Variants in STON1 observed in about 807,000 individuals in gnomAD.
STON1 encodes stonin 1.
In STON1, 79 loss-of-function variants were observed where a neutral mutation model predicts 60.9. The observed-to-expected ratio is 1.30, with a 90% CI of 1.08 to 1.56. The LOEUF (loss-of-function observed/expected upper bound fraction) is 1.56. STON1 is among the 40% of genes most tolerant of loss of function. The pLI is 0.00. For synonymous variants in STON1, 363 were observed against 306.9 expected (o/e 1.18, Z -1.91); for missense variants, 1,166 against 858.9 (o/e 1.36, Z -4.47).
At chr2:48,535,914 C>A (rs926300613) in intron 1 of STON1, among the ~76,000 whole-genome samples, 1 of 151,626 alleles carries the variant, frequency 6.6e-6, no homozygotes, top group South Asian at 2.1e-4. Context: ...AGGATGAGAC[C>A]CTGCCTCTAC....
chr2:48,581,822 C>T lies in STON1; in HGVS notation c.1189C>T (p.Leu397=), dbSNP rs866502633. 4.3e-6 allele frequency: 7 copies of T among 1,614,170 alleles called. No homozygotes were observed. Among genetic ancestry groups the T allele is most frequent in the Middle Eastern group, 3.3e-4 (2 of 6,062 alleles). The change falls in exon 2 of 4, where the codon CTG becomes TTG. Residue 397 remains leucine, a synonymous_variant. Coordinates refer to ENST00000404752, the MANE Select transcript of STON1 (RefSeq NM_006873.4). ...CTTTCTGACTACTGTGGAGGAGGAGCTGATGAAGTTGCCAGCTGTTTCAAA... is the reference window on the plus strand; with the variant it reads ...CTTTCTGACTACTGTGGAGGAGGAGTTGATGAAGTTGCCAGCTGTTTCAAA... ...LDFLTTVEEE[L]MKLPAVSKPK... is the part of the protein sequence containing the mutation.
Position 48,530,210 on chromosome 2 carries a change from G to A in STON1, c.-54G>A. 5.0e-6 allele frequency: 2 copies of A among 402,414 alleles called. No individual in the cohort carries two copies. The highest frequency in any genetic ancestry group is 4.9e-6 in the Non-Finnish European group (1 of 206,038). 24.9% of individuals were successfully genotyped at this position (402,414 alleles called of 1,614,324 possible). ...CGGCCAGAATCGGAGCCCCAACCGC[G>A]CTGCCGGTGAGTGACCAGCCCCAGG... On this transcript the variant is annotated 5_prime_UTR_variant, in exon 1 of 4. Transcript: ENST00000404752.
At chr2:48,572,027 G>T (rs1231029167) in intron 1 of STON1, among the ~76,000 whole-genome samples, 1 of 152,146 alleles carries the variant, frequency 6.6e-6, no homozygotes, top group African/African-American at 2.4e-5. Context: ...GCCTGGCATG[G>T]TGGTGGGCGC....
rs1673845591 is a variant in STON1, at chr2:48,580,977, C to CA, written c.346dup (p.Ile116AsnfsTer24). The CA allele has an allele frequency of 8.2e-6, 13 of 1,577,092 alleles. No homozygotes were observed. In the East Asian group the frequency reaches 2.9e-4, roughly 35 times the overall value. On this transcript the variant is annotated frameshift_variant, in exon 2 of 4. Coordinates refer to ENST00000404752, the MANE Select transcript of STON1 (RefSeq NM_006873.4). LOFTEE classifies it high-confidence loss of function. ...GAATCATCTTCAGACAGCCCACTCG[C>CA]AATATCAGGAGGAGAATCTTCCTTA...
At chr2:48,536,404 C>T (rs547538835) in intron 1 of STON1, among the ~76,000 whole-genome samples, 23 of 151,822 alleles carry the variant, frequency 1.5e-4, no homozygotes, top group South Asian at 6.2e-4. Context: ...AAAAATTAGC[C>T]GAGTGTGGTG....
chr2:48,584,663 T>A (rs1376833342), intron 2 of STON1, among the ~76,000 whole-genome samples: 1 of 103,442 alleles, frequency 9.7e-6, no homozygotes, highest in African/African-American at 3.7e-5. Flanking sequence ...CTGGCGGGGG[T>A]GGGCGGTGGG....
chr2:48,589,397 C>T (rs1248984716), intron 2 of STON1, among the ~76,000 whole-genome samples: 2 of 152,218 alleles, frequency 1.3e-5, no homozygotes, highest in Admixed American at 1.3e-4. Flanking sequence ...ACACGATTTT[C>T]CTCTATCTTT....
chr2:48,560,205 C>G (rs541188309), intron 1 of STON1, among the ~76,000 whole-genome samples: 1 of 152,172 alleles, frequency 6.6e-6, no homozygotes, highest in Non-Finnish European at 1.5e-5. Context: ...TGCTTATCTT[C>G]AGGAAGGACA....
rs563058824 is a variant in STON1 at position 48,598,069 on chromosome 2, G to C, written c.*2767G>C. 6.6e-6 allele frequency: 1 copy of C among 152,278 alleles called. No individual in the cohort carries two copies. The highest frequency in any genetic ancestry group is 1.9e-4 in the East Asian group (1 of 5,186). The allele number at this position is 152,278 out of a possible 1,614,324, so 9.4% of individuals were successfully genotyped here. A position where few individuals can be genotyped will look rare whatever the true frequency, so the allele number is the denominator to read the frequency against. On this transcript the variant is annotated 3_prime_UTR_variant, in exon 4 of 4. Coordinates refer to ENST00000404752, the MANE Select transcript of STON1 (RefSeq NM_006873.4). ...ACTTCCAAGGAGTTGACCAGTTTGT[G>C]ACTAGTCTGGTCACCTTTCCAGTTA... is the stretch of plus-strand genomic sequence containing the variant.
intron 1 of STON1, among the ~76,000 whole-genome samples, chr2:48,565,026 C>T (rs1290480778): frequency 6.8e-6 from 1 of 146,204 alleles, no homozygotes; most frequent in Non-Finnish European, 1.5e-5. Context: ...AGCCACTGTC[C>T]CTGGCCCTCC....
At position 48,597,384 on chromosome 2, in the gene STON1, G is replaced by A. The variant is rs1674828540; in HGVS notation, c.*2082G>A. 6.6e-6 allele frequency: 1 copy of A among 152,224 alleles called. No individual in the cohort carries two copies. The highest frequency in any genetic ancestry group is 3.2e-3 in the Middle Eastern group (1 of 316). The allele number at this position is 152,224 out of a possible 1,614,324, so 9.4% of individuals were successfully genotyped here. A position where few individuals can be genotyped will look rare whatever the true frequency, so the allele number is the denominator to read the frequency against. The stretch of plus-strand genomic sequence containing the variant: ...CCACAGTCCCAGTGAAGTTAGGTGG[G>A]TTAATTACTGCCATTCCTTTCTAAG... On this transcript the variant is annotated 3_prime_UTR_variant, in exon 4 of 4. Transcript: ENST00000404752.
At chr2:48,554,407 G>A (rs1572940251) in intron 1 of STON1, among the ~76,000 whole-genome samples, 1 of 152,078 alleles carries the variant, frequency 6.6e-6, no homozygotes, top group East Asian at 1.9e-4. Context: ...ATTTTTAATA[G>A]AGACGGGGTT....
chr2:48,544,018 T>C (rs980092552), intron 1 of STON1, among the ~76,000 whole-genome samples: 3 of 152,198 alleles, frequency 2.0e-5, no homozygotes, highest in Non-Finnish European at 2.9e-5. Flanking sequence ...AGGTATTTTT[T>C]TGAGAATTTT....
At chr2:48,583,105 T>A (rs1285750695) in intron 2 of STON1, among the ~76,000 whole-genome samples, 1 of 152,224 alleles carries the variant, frequency 6.6e-6, no homozygotes, top group African/African-American at 2.4e-5. Flanking sequence ...GTTTTTGTTT[T>A]TGACATGGCA....
rs1215064257 is a variant in STON1, at chr2:48,580,979, A to G, written c.346A>G (p.Ile116Val). ...PESSSDSPLA[I>V]SGGESSLLPT... ...ATCATCTTCAGACAGCCCACTCGCA[A>G]TATCAGGAGGAGAATCTTCCTTACT... Residue 116 changes from isoleucine (I) to valine (V), a missense_variant, in exon 2 of 4, where the codon ATA becomes GTA. Physicochemically the swap from Ile to Val is conservative, Grantham distance 29 (BLOSUM62 3). Coordinates refer to ENST00000404752, the MANE Select transcript of STON1 (RefSeq NM_006873.4). 2 of 1,576,450 alleles carry G rather than the reference A, an allele frequency of 1.3e-6. No individual in the cohort carries two copies. Among genetic ancestry groups the G allele is most frequent in the Non-Finnish European group, 1.7e-6 (2 of 1,165,096 alleles).
chr2:48,560,703 G>T (rs1375086826), intron 1 of STON1, among the ~76,000 whole-genome samples: 1 of 152,204 alleles, frequency 6.6e-6, no homozygotes, highest in East Asian at 1.9e-4. Flanking sequence ...AAACAACACA[G>T]CTCCACAGCT....
At chr2:48,579,062 GAC>G (rs1378090063) in intron 1 of STON1, among the ~76,000 whole-genome samples, 3 of 151,594 alleles carry the variant, frequency 2.0e-5, no homozygotes, top group African/African-American at 7.3e-5. Flanking sequence ...GGAGAGTAAT[GAC>G]ACAGTCTCTG....
rs771380585 is a variant in STON1, at chr2:48,580,797, C to T, written c.164C>T (p.Ser55Phe). 1 of 1,556,040 alleles carries T rather than the reference C, an allele frequency of 6.4e-7. No homozygotes were observed. Among genetic ancestry groups the T allele is most frequent in the Non-Finnish European group, 8.7e-7 (1 of 1,152,140 alleles). ...PGLREFPSGS[S>F]STSSTPLSSP... ...CTCAGGGAATTTCCCAGTGGATCTT[C>T]CTCCACCAGCAGCACTCCTCTCTCC... Residue 55 changes from serine (S) to phenylalanine (F), a missense_variant, in exon 2 of 4, where the codon TCC (serine) becomes TTC (phenylalanine). Ser to Phe is a radical substitution (Grantham distance 155). Transcript: ENST00000404752.
intron 2 of STON1, among the ~76,000 whole-genome samples, 163 bp from the exon 3 acceptor site, chr2:48,591,490 G>A (rs1435837501): frequency 6.6e-6 from 1 of 152,046 alleles, no homozygotes; most frequent in Non-Finnish European, 1.5e-5. Flanking sequence ...CCTAGTTGGT[G>A]CAAAATTGTA....
Sources: allele counts gnomAD v4.1 joint callset (sites outside exome capture counted in the v4.1 genomes callset), GRCh38; gene constraint gnomAD v4.1.1; transcripts MANE v1.5; gene names NCBI Gene and HGNC (gene_info 2026-07-23, HGNC 2026-07-21).